The following NEMP2 variants were observed in gnomAD, a reference collection of about 807,000 sequenced individuals.
NEMP2 encodes UPF0571 transmembrane protein.
A neutral mutation model predicts 54.2 loss-of-function variants in NEMP2; 53 were observed. That is an observed-to-expected ratio of 0.98 (90% confidence interval 0.78 to 1.23). The LOEUF (loss-of-function observed/expected upper bound fraction) is 1.23, where lower values mean the gene tolerates loss of function less well. NEMP2 is among the 50% of genes most tolerant of loss of function. NEMP2 has a pLI of 0.00. For missense variants in NEMP2, 455 were observed against 511.3 expected (o/e 0.89, Z 1.06); for synonymous variants, 197 against 190.3 (o/e 1.04, Z -0.29).
At chr2:190,576,069 A>C in the NEMP2 span, among the ~76,000 whole-genome samples, 98 of 151,972 alleles carry the variant, frequency 6.4e-4, 2 homozygotes, top group East Asian at 0.011. Context: ...CCTGGGCTCA[A>C]GTGATCTTAA....
chr2:190,644,039 G>A, the NEMP2 span, among the ~76,000 whole-genome samples: 1 of 152,190 alleles, frequency 6.6e-6, no homozygotes, highest in Non-Finnish European at 1.5e-5. The surrounding 1 kb of genome is among the most constrained non-coding windows in gnomAD (Gnocchi z 4.4). Flanking sequence ...TATTCTAAAT[G>A]CATAATGAAT....
the NEMP2 span, among the ~76,000 whole-genome samples, chr2:190,633,583 G>A: frequency 6.6e-6 from 1 of 151,902 alleles, no homozygotes; most frequent in African/African-American, 2.4e-5. Context: ...CAAAGTGCTG[G>A]GATTACAGGC....
rs1472664678 is a variant in NEMP2, at chr2:190,522,435, CT to C, written c.213+2827del. ...TCTCACTTAAAAAACCCACTATGAT[CT>C]TTTCTGAGAATAAAAAGGTAAACAA... is the stretch of plus-strand genomic sequence containing the variant. On this transcript the variant is annotated intron_variant, in intron 2 of 8. Coordinates refer to ENST00000409150, the MANE Select transcript of NEMP2 (RefSeq NM_001142645.2). This position sits in a 1 kb window ranked among gnomAD's most constrained non-coding sequence, Gnocchi z 5.0. 2.0e-5 allele frequency among the ~76,000 whole-genome samples: 3 copies of C among 152,090 alleles called. No homozygotes were observed. Among genetic ancestry groups the C allele is most frequent in the Non-Finnish European group, 4.4e-5 (3 of 68,000 alleles).
chr2:190,638,901 G>T, the NEMP2 span, among the ~76,000 whole-genome samples: 9 of 152,204 alleles, frequency 5.9e-5, no homozygotes, highest in Non-Finnish European at 1.0e-4. This position sits in a 1 kb window ranked among gnomAD's most constrained non-coding sequence, Gnocchi z 5.7. Context: ...GTTTTCTGCA[G>T]CTAAACAAGG....
the NEMP2 span, among the ~76,000 whole-genome samples, chr2:190,545,724 A>G: frequency 3.9e-5 from 6 of 152,330 alleles, no homozygotes; most frequent in African/African-American, 1.4e-4. Flanking sequence ...GTTGGGGAAC[A>G]GAGATATAAC....
chr2:190,497,333 C>A, the NEMP2 span: 1 of 1,279,894 alleles, frequency 7.8e-7, no homozygotes, highest in Non-Finnish European at 1.1e-6. The surrounding 1 kb of genome is among the most constrained non-coding windows in gnomAD (Gnocchi z 5.2). Flanking sequence ...TTATCAAGCA[C>A]TCTGGAATGG....
the NEMP2 span, among the ~76,000 whole-genome samples, chr2:190,493,169 A>G: frequency 6.6e-6 from 1 of 152,106 alleles, no homozygotes; most frequent in Non-Finnish European, 1.5e-5. Flanking sequence ...CATAAATTTA[A>G]GGTAAAGGGG....
In NEMP2 at chr2:190,510,039, T is replaced by C. The variant is rs1690302579; in HGVS notation, c.1130+322A>G. ...CTGGGTGACAGAGCAAGACTCCATC[T>C]AAAACAAAACAAAACAAAAAAGATT... On this transcript the variant is annotated intron_variant, in intron 8 of 8. Coordinates refer to ENST00000409150, the MANE Select transcript of NEMP2 (RefSeq NM_001142645.2). The surrounding 1 kb of genome is among the most constrained non-coding windows in gnomAD (Gnocchi z 5.7). 6.6e-6 allele frequency among the ~76,000 whole-genome samples: 1 copy of C among 152,194 alleles called. No homozygotes were observed. Among genetic ancestry groups the C allele is most frequent in the African/African-American group, 2.4e-5 (1 of 41,452 alleles).
At chr2:190,583,344 A>G in the NEMP2 span, among the ~76,000 whole-genome samples, 3 of 152,106 alleles carry the variant, frequency 2.0e-5, no homozygotes, top group Non-Finnish European at 4.4e-5. Flanking sequence ...ATTCAAACAT[A>G]AATGAAGGCC....
chr2:190,569,451 A>G, the NEMP2 span, among the ~76,000 whole-genome samples: 1 of 152,200 alleles, frequency 6.6e-6, no homozygotes, highest in South Asian at 2.1e-4. Flanking sequence ...GACATTTAAG[A>G]ACTTTGAATT....
rs1691301663 is a variant in NEMP2 at position 190,534,633 on chromosome 2, C to T, written c.23G>A (p.Trp8Ter). 7.4e-7 allele frequency: 1 copy of T among 1,352,506 alleles called. No individual in the cohort carries two copies. Among genetic ancestry groups the T allele is most frequent in the African/African-American group, 1.5e-5 (1 of 65,548 alleles). The allele number at this position is 1,352,506 out of a possible 1,614,324, so 83.8% of individuals were successfully genotyped here. Residue 8 changes from tryptophan (W) to a stop codon, truncating the protein, a stop_gained, in exon 1 of 9, where the codon TGG becomes TAG. Transcript: ENST00000409150. LOFTEE classifies it high-confidence loss of function. MGPRQGR[W>*]WLLLWLPPLA... ...GGGCGGCAGCCAGAGCAGCAGCCAC[C>T]ACCGCCCTTGGCGCGGCCCCATTTC...
At chr2:190,489,565 C>G in the NEMP2 span, among the ~76,000 whole-genome samples, 1 of 152,194 alleles carries the variant, frequency 6.6e-6, no homozygotes, top group African/African-American at 2.4e-5. The surrounding 1 kb of genome is among the most constrained non-coding windows in gnomAD (Gnocchi z 6.6). Flanking sequence ...CGATCAATGA[C>G]AGATCCAATA....
At chr2:190,479,333 A>G in the NEMP2 span, among the ~76,000 whole-genome samples, 2 of 152,358 alleles carry the variant, frequency 1.3e-5, no homozygotes, top group South Asian at 4.1e-4. Flanking sequence ...GTAATACCAT[A>G]TAAAGAAGCA....
chr2:190,540,839 C>A, the NEMP2 span, among the ~76,000 whole-genome samples: 4 of 152,218 alleles, frequency 2.6e-5, no homozygotes, highest in East Asian at 7.7e-4. Context: ...TAGAATTCAG[C>A]AGTGAATCCA....
chr2:190,455,881 C>G, the NEMP2 span, among the ~76,000 whole-genome samples: 1 of 143,564 alleles, frequency 7.0e-6, no homozygotes, highest in African/African-American at 2.6e-5. Flanking sequence ...CATAAAAGTT[C>G]AAGTTGACAG....
At chr2:190,647,654 A>G in the NEMP2 span, among the ~76,000 whole-genome samples, 1 of 152,130 alleles carries the variant, frequency 6.6e-6, no homozygotes, top group Non-Finnish European at 1.5e-5. Flanking sequence ...ATAGATTTAA[A>G]AAACAGACTT....
the NEMP2 span, among the ~76,000 whole-genome samples, chr2:190,425,503 C>T: frequency 4.4e-4 from 67 of 152,208 alleles, no homozygotes; most frequent in African/African-American, 1.5e-3. This position sits in a 1 kb window ranked among gnomAD's most constrained non-coding sequence, Gnocchi z 4.3. Context: ...GAGAACATTC[C>T]CCTCTGTTCT....
Position 190,509,325 on chromosome 2 carries a change from T to C in NEMP2, c.1131-13A>G. ...AAAGTCTGCAAATCTAACAAGTTTT[T>C]TGTTTTAAATAAAGTTAATGTTATC... is the stretch of plus-strand genomic sequence containing the variant. On this transcript the variant is annotated splice_polypyrimidine_tract_variant and intron_variant, in intron 8 of 8. Transcript: ENST00000409150. This position sits in a 1 kb window ranked among gnomAD's most constrained non-coding sequence, Gnocchi z 6.1. The C allele has an allele frequency of 6.4e-7, 1 of 1,551,342 alleles. No individual in the cohort carries two copies. Among genetic ancestry groups the C allele is most frequent in the Non-Finnish European group, 8.7e-7 (1 of 1,146,740 alleles).
At chr2:190,556,044 A>G in the NEMP2 span, among the ~76,000 whole-genome samples, 1 of 152,248 alleles carries the variant, frequency 6.6e-6, no homozygotes, top group Non-Finnish European at 1.5e-5. Context: ...TTTCAGGCCA[A>G]TATCCCTGAT....
Sources: allele counts gnomAD v4.1 joint callset (sites outside exome capture counted in the v4.1 genomes callset), GRCh38; gene constraint gnomAD v4.1.1; non-coding constraint Gnocchi (gnomAD v3.1); transcripts MANE v1.5; gene names NCBI Gene and HGNC (gene_info 2026-07-23, HGNC 2026-07-21).